Variants in TCIRG1 observed in about 807,000 individuals in gnomAD.
TCIRG1 encodes T cell immune regulator 1, ATPase H+ transporting V0 subunit a3, also known as V-type proton ATPase 116 kDa subunit a 3.
Under a neutral mutation model 95.5 loss-of-function variants are expected in TCIRG1, and 86 were observed. The observed-to-expected ratio is 0.90, with a 90% CI of 0.76 to 1.08. TCIRG1 has a LOEUF of 1.08. Among genes scored for constraint, TCIRG1 ranks in the 50% least tolerant of loss-of-function variants. The probability of loss-of-function intolerance (pLI) is 0.00; values close to 1 mark genes in which losing one functional copy is unlikely to be tolerated. For synonymous variants in TCIRG1, 499 were observed against 501.3 expected (o/e 1.00, Z 0.06); for missense variants, 1,069 against 1,140.2 (o/e 0.94, Z 0.90).
At chr11:68,049,029 G>C (rs373703466) in intron 14 of TCIRG1, 32 bp downstream of exon 14, 5 of 1,612,916 alleles carry the variant, frequency 3.1e-6, no homozygotes. Flanking sequence ...GGGACGGGAG[G>C]CTGGCAGGCC....
intron 16 of TCIRG1, 73 bp downstream of exon 16, chr11:68,049,861 C>A (rs1382210739): frequency 3.2e-6 from 5 of 1,553,912 alleles, no homozygotes; most frequent in Non-Finnish European, 4.3e-6. Flanking sequence ...CCTGACTCCT[C>A]GCTTCCTGAC....
intron 10 of TCIRG1, among the ~76,000 whole-genome samples, chr11:68,045,461 C>G (rs1290305248): frequency 6.6e-6 from 1 of 152,216 alleles, no homozygotes; most frequent in African/African-American, 2.4e-5. Context: ...AATAATAGCG[C>G]AAACCTCAGA....
In TCIRG1 at chr11:68,043,488, C is replaced by G; in HGVS notation, c.621C>G (p.His207Gln). Residue 207 changes from histidine (H) to glutamine (Q), a missense_variant, in exon 6 of 20, where the codon CAC becomes CAG. Physicochemically the swap from His to Gln is conservative, Grantham distance 24. Transcript: ENST00000265686. ...SFRELEQPLE[H>Q]PVTGEPATWM... ...GGGAGCTGGAGCAGCCGCTGGAGCA[C>G]CCCGTGACGGTGAGCAGCTGGCGCT... 1 of 1,566,662 alleles carries G rather than the reference C, an allele frequency of 6.4e-7. No individual in the cohort carries two copies. Among genetic ancestry groups the G allele is most frequent in the Non-Finnish European group, 8.6e-7 (1 of 1,156,234 alleles).
chr11:68,044,719 C>T (rs1443691401), intron 9 of TCIRG1: 1 of 613,160 alleles, frequency 1.6e-6, no homozygotes, highest in Non-Finnish European at 2.9e-6. Flanking sequence ...GGCTCCTTCT[C>T]CTGGGCCGTC....
chr11:68,046,126 A>G (rs1222053041), intron 10 of TCIRG1, among the ~76,000 whole-genome samples: 2 of 152,306 alleles, frequency 1.3e-5, no homozygotes, highest in East Asian at 3.9e-4. Context: ...CGTGTTTGCC[A>G]GGGAAGCTGT....
Position 68,043,660 on chromosome 11 carries a change from C to A in TCIRG1, c.713+7C>A, listed in dbSNP as rs1258246575. On this transcript the variant is annotated splice_region_variant and intron_variant, in intron 7 of 19. Transcript: ENST00000265686. Reference sequence around the variant, plus strand: ...TCCGCAAGATCACGGACTGGTGAGTCACTGGGAACACCCGCCCCACCGCCC... The same window carrying A: ...TCCGCAAGATCACGGACTGGTGAGTAACTGGGAACACCCGCCCCACCGCCC... 4 of 1,603,048 alleles carry A rather than the reference C, an allele frequency of 2.5e-6. No individual in the cohort carries two copies. In the Admixed American group the frequency reaches 6.8e-5, roughly 27 times the overall value.
At chr11:68,042,263 C>T (rs1205912369) in intron 3 of TCIRG1, among the ~76,000 whole-genome samples, 9 of 152,214 alleles carry the variant, frequency 5.9e-5, no homozygotes, top group African/African-American at 2.2e-4. Context: ...CAGGAGGAGC[C>T]TGTGGGGGCA....
downstream of TCIRG1, among the ~76,000 whole-genome samples, chr11:68,051,482 G>A (rs1386204658): frequency 6.6e-6 from 1 of 152,196 alleles, no homozygotes; most frequent in Non-Finnish European, 1.5e-5. Flanking sequence ...AATGGGGGTG[G>A]CTTTCTGCAG....
chr11:68,043,210 C>T (rs1311655310), intron 5 of TCIRG1, 161 bp from the exon 6 acceptor site: 1 of 1,479,638 alleles, frequency 6.8e-7, no homozygotes, highest in Non-Finnish European at 8.9e-7. Flanking sequence ...GGGTTCTCCT[C>T]TTCTGGTCCT....
At chr11:68,046,511 C>T (rs781403816) in intron 10 of TCIRG1, among the ~76,000 whole-genome samples, 1 of 152,108 alleles carries the variant, frequency 6.6e-6, no homozygotes, top group African/African-American at 2.4e-5. Flanking sequence ...ATAAGGACAT[C>T]GGGCACACTG....
intron 3 of TCIRG1, 140 bp downstream of exon 3, chr11:68,041,971 CAG>C: frequency 1.3e-6 from 1 of 792,156 alleles, no homozygotes; most frequent in Non-Finnish European, 2.1e-6. Context: ...AGGGCCAAGA[CAG>C]AGCAGCTGGG....
chr11:68,043,344 A>G, intron 5 of TCIRG1, 27 bp from the exon 6 acceptor site: 1 of 1,536,854 alleles, frequency 6.5e-7, no homozygotes, highest in South Asian at 1.2e-5. Flanking sequence ...AGGTTGGAGC[A>G]GCCCTGCCCA....
At position 68,047,637 on chromosome 11, in the gene TCIRG1, G is replaced by GC. The variant is rs754510493; in HGVS notation, c.1306-3dup. 52 of 1,612,666 alleles carry GC rather than the reference G, an allele frequency of 3.2e-5. No homozygotes were observed. Among genetic ancestry groups the GC allele is most frequent in the South Asian group, 5.5e-5 (5 of 91,080 alleles). ...CCAGGCAGCCCCTCACCACACCACT[G>GC]CCCCCCCAGATCTGGCAGACTTTCT... is the stretch of plus-strand genomic sequence containing the variant. On this transcript the variant is annotated splice_polypyrimidine_tract_variant and intron_variant, in intron 11 of 19. Transcript: ENST00000265686.
chr11:68,043,327 G>T, intron 5 of TCIRG1, 44 bp from the exon 6 acceptor site: 1 of 1,533,368 alleles, frequency 6.5e-7, no homozygotes, highest in South Asian at 1.2e-5. Context: ...GGGGGAGGCA[G>T]GGCAGGAGGT....
At position 68,044,244 on chromosome 11, in the gene TCIRG1, A is replaced by G. The variant is rs1459350935; in HGVS notation, c.920A>G (p.Asn307Ser). ...ATGAAGGCCGTGTACCTGGCCCTGA[A>G]CCAGTGCAGCGTGAGCACCACGCAC... ...HKMKAVYLAL[N>S]QCSVSTTHKC... Residue 307 changes from asparagine to serine, a missense_variant, in exon 9 of 20, where the codon AAC (asparagine) becomes AGC (serine). Asn to Ser is a conservative substitution (Grantham distance 46). Transcript: ENST00000265686. The G allele has an allele frequency of 1.2e-6, 2 of 1,600,276 alleles. No individual in the cohort carries two copies. The highest frequency in any genetic ancestry group is 2.3e-5 in the East Asian group (1 of 44,234).
chr11:68,043,647 C>A lies in TCIRG1; in HGVS notation c.707C>A (p.Thr236Lys). ...EQIGQKIRKITDCFHCHVFPF... is the reference protein window; with the variant it reads ...EQIGQKIRKIKDCFHCHVFPF... ...ATCGGACAGAAGATCCGCAAGATCA[C>A]GGACTGGTGAGTCACTGGGAACACC... The change falls in exon 7 of 20, where the codon ACG (threonine) becomes AAG (lysine). Residue 236 changes from threonine to lysine, a missense_variant. By Grantham distance (78) the Thr-to-Lys change is moderately conservative. Transcript: ENST00000265686. 1 of 1,608,128 alleles carries A rather than the reference C, an allele frequency of 6.2e-7. No individual in the cohort carries two copies.
rs1210608933 is a variant in TCIRG1, at chr11:68,043,606, C to G, written c.666C>G (p.Ser222=). ...CCACGTGGATGACCTTCCTCATCTC[C>G]TACTGGGGTGAGCAGATCGGACAGA... ...EPATWMTFLI[S]YWGEQIGQKI... Residue 222 remains serine, a synonymous_variant, in exon 7 of 20, where the codon TCC becomes TCG. Transcript: ENST00000265686. 1 of 1,611,568 alleles carries G rather than the reference C, an allele frequency of 6.2e-7. No individual in the cohort carries two copies. The highest frequency in any genetic ancestry group is 8.5e-7 in the Non-Finnish European group (1 of 1,179,400).
rs770787381 is a variant in TCIRG1 at position 68,041,363 on chromosome 11, A to G, written c.92A>G (p.Glu31Gly). ...AAYTCVSRLG[E>G]LGLVEFRDLN... ...TACACCTGCGTGAGTCGGCTGGGCG[A>G]GCTGGGCCTCGTGGAGTTCAGAGAC... is the stretch of plus-strand genomic sequence containing the variant. Residue 31 changes from glutamate (E) to glycine (G), a missense_variant, in exon 2 of 20, where the codon GAG becomes GGG. Coordinates refer to ENST00000265686, the MANE Select transcript of TCIRG1 (RefSeq NM_006019.4). The G allele has an allele frequency of 1.2e-6, 2 of 1,612,814 alleles. No homozygotes were observed. The highest frequency in any genetic ancestry group is 2.2e-5 in the South Asian group (2 of 91,068).
At chr11:68,040,408 A>AGGCTGG (rs1236044823) in intron 1 of TCIRG1, among the ~76,000 whole-genome samples, 1 of 152,120 alleles carries the variant, frequency 6.6e-6, no homozygotes, top group East Asian at 1.9e-4. Context: ...CTCCTTTCCC[A>AGGCTGG]GGCTGGGGCT....
Sources: allele counts gnomAD v4.1 joint callset (sites outside exome capture counted in the v4.1 genomes callset), GRCh38; gene constraint gnomAD v4.1.1; transcripts MANE v1.5; gene names NCBI Gene and HGNC (gene_info 2026-07-23, HGNC 2026-07-21).